The following TOP1MT variants were observed in gnomAD, a reference collection of about 807,000 sequenced individuals.
TOP1MT encodes the protein DNA topoisomerase I mitochondrial.
Under a neutral mutation model 73.9 loss-of-function variants are expected in TOP1MT, and 80 were observed. The ratio of observed to expected loss-of-function variants is 1.08; its 90% CI spans 0.90 to 1.30. The LOEUF (loss-of-function observed/expected upper bound fraction) is 1.30. Ranked by LOEUF, TOP1MT falls within the 50% of genes most tolerant of loss-of-function variation. The probability of loss-of-function intolerance (pLI) is 0.00; values close to 1 mark genes in which losing one functional copy is unlikely to be tolerated. For synonymous variants in TOP1MT, 338 were observed against 326.4 expected (o/e 1.04, Z -0.38); for missense variants, 815 against 808.0 (o/e 1.01, Z -0.10).
chr8:143,321,547 C>A, intron 7 of TOP1MT, among the ~76,000 whole-genome samples, 161 bp from the exon 8 acceptor site: 1 of 121,812 alleles, frequency 8.2e-6, no homozygotes, highest in African/African-American at 2.8e-5. Flanking sequence ...ACGCACGCCA[C>A]ACACGCACGC....
upstream of TOP1MT, among the ~76,000 whole-genome samples, chr8:143,336,962 A>G (rs1411801716): frequency 6.6e-6 from 1 of 152,284 alleles, no homozygotes; most frequent in Admixed American, 6.5e-5. Context: ...AATGAAATTA[A>G]GAAAATAATT....
chr8:143,327,045 C>A (rs1284102086), intron 3 of TOP1MT, among the ~76,000 whole-genome samples: 2 of 152,186 alleles, frequency 1.3e-5, no homozygotes, highest in Non-Finnish European at 2.9e-5. Context: ...TAAATTAATC[C>A]TAAGGGCTGC....
At chr8:143,312,638 G>C (rs1232105619) in intron 12 of TOP1MT, among the ~76,000 whole-genome samples, 2 of 152,122 alleles carry the variant, frequency 1.3e-5, no homozygotes, top group Non-Finnish European at 2.9e-5. Context: ...TGAGAGTTTT[G>C]CCCCCAGTAT....
intron 1 of TOP1MT, among the ~76,000 whole-genome samples, chr8:143,352,346 A>T (rs964210818): frequency 1.3e-5 from 2 of 152,212 alleles, no homozygotes; most frequent in East Asian, 3.9e-4. Context: ...GGACACGCAG[A>T]GACCGGTGGG....
At chr8:143,337,638 A>G (rs1315215657), upstream of TOP1MT, among the ~76,000 whole-genome samples, 2 of 152,214 alleles carry the variant, frequency 1.3e-5, no homozygotes, top group Non-Finnish European at 1.5e-5. Context: ...GCAAGACCCC[A>G]TCTGTACTAA....
upstream of TOP1MT, among the ~76,000 whole-genome samples, chr8:143,346,828 A>G (rs1451495601): frequency 6.6e-6 from 1 of 152,162 alleles, no homozygotes; most frequent in East Asian, 1.9e-4. Context: ...GGTCAGAGGG[A>G]GGACACTAAG....
chr8:143,324,686 G>A, intron 5 of TOP1MT, 57 bp from the exon 6 acceptor site: 1 of 1,583,464 alleles, frequency 6.3e-7, no homozygotes, highest in Non-Finnish European at 8.6e-7. Context: ...TGGAATGCAA[G>A]CAAAAGGAGC....
At chr8:143,358,760 CTG>C (rs1310158641), upstream of TOP1MT, 1 of 152,220 alleles carries the variant, frequency 6.6e-6, no homozygotes. Flanking sequence ...AGGGACACTG[CTG>C]CACCTGCGGC....
At chr8:143,321,022 A>G (rs994447237) in intron 8 of TOP1MT, among the ~76,000 whole-genome samples, 179 bp downstream of exon 8, 18 of 152,166 alleles carry the variant, frequency 1.2e-4, no homozygotes, top group South Asian at 2.1e-4. Context: ...CCTTGGGTCT[A>G]CCATGGTGCA....
chr8:143,332,458 G>C, intron 1 of TOP1MT: 1 of 1,282,788 alleles, frequency 7.8e-7, no homozygotes, highest in Non-Finnish European at 1.0e-6. Context: ...AGACGCACAA[G>C]GACAGAAGGT....
intron 8 of TOP1MT, among the ~76,000 whole-genome samples, chr8:143,318,721 C>G (rs1282004575): frequency 6.6e-6 from 1 of 152,160 alleles, no homozygotes; most frequent in Admixed American, 6.5e-5. Flanking sequence ...CCTCCCTCAC[C>G]AGACACGGGC....
At position 143,354,228 on chromosome 8, in the gene TOP1MT, G is replaced by C. The variant is rs190236568; in HGVS notation, c.-39+1737C>G. Among the ~76,000 whole-genome samples the C allele has an allele frequency of 6.8e-3, 1,039 of 152,158 alleles. 9 individuals are homozygous for C. Among genetic ancestry groups the C allele is most frequent in the Non-Finnish European group, 8.8e-3 (600 of 68,034 alleles). ...CAGCAGGGTGTTTTCGGCTGTGAAA[G>C]GGAATGAAGTGTTAACCCAGCACAG... On this transcript the variant is annotated intron_variant, in intron 1 of 5. Transcript: ENST00000518760.
intron 1 of TOP1MT, among the ~76,000 whole-genome samples, chr8:143,351,393 C>T (rs1259161841): frequency 3.3e-5 from 5 of 151,094 alleles, no homozygotes; most frequent in African/African-American, 7.3e-5. Flanking sequence ...GCCAACATGG[C>T]GAAACCCTGT....
At chr8:143,359,232 C>A, upstream of TOP1MT, 1 of 984,652 alleles carries the variant, frequency 1.0e-6, no homozygotes, top group Non-Finnish European at 1.2e-6. Flanking sequence ...TTTAGATGCG[C>A]CAGACCAAAA....
chr8:143,348,618 G>A (rs544542703), upstream of TOP1MT, among the ~76,000 whole-genome samples: 5 of 152,186 alleles, frequency 3.3e-5, no homozygotes, highest in African/African-American at 1.2e-4. The surrounding 1 kb of genome is among the most constrained non-coding windows in gnomAD (Gnocchi z 4.6). Context: ...GGGGGGGGTG[G>A]GGGCCCTCCA....
intron 1 of TOP1MT, chr8:143,332,642 G>T: frequency 1.8e-6 from 2 of 1,134,164 alleles, no homozygotes; most frequent in Non-Finnish European, 1.2e-6. Flanking sequence ...TTCTGAAAGG[G>T]CCTTTCTGGC....
chr8:143,336,591 G>A (rs1816985564), upstream of TOP1MT, among the ~76,000 whole-genome samples: 1 of 152,048 alleles, frequency 6.6e-6, no homozygotes, highest in Non-Finnish European at 1.5e-5. Context: ...TGAGCAAACA[G>A]GCAAGCAGAT....
At chr8:143,322,371 GGCACGCCACA>G (rs1816463112) in intron 7 of TOP1MT, among the ~76,000 whole-genome samples, 1 of 29,628 alleles carries the variant, frequency 3.4e-5, no homozygotes, top group Non-Finnish European at 6.7e-5. Context: ...CACACACACA[GGCACGCCACA>G]CACGCACGCC....
Position 143,309,507 on chromosome 8 carries a change from G to A in TOP1MT, c.1740C>T (p.Tyr580=). 1.2e-6 allele frequency: 2 copies of A among 1,614,040 alleles called. No individual in the cohort carries two copies. Among genetic ancestry groups the A allele is most frequent in the African/African-American group, 1.3e-5 (1 of 75,054 alleles). The part of the protein sequence containing the change: ...KRFRVPVEKI[Y]SKTQRERFAW... ...CGAACCTCTCCCGCTGTGTTTTGCT[G>A]TAGATCTTCTCCACTGGCACCCTGA... is the stretch of plus-strand genomic sequence containing the variant. The change falls in exon 14 of 14, where the codon TAC becomes TAT. Residue 580 remains tyrosine (Y), a synonymous_variant. Transcript: ENST00000329245.
Sources: allele counts gnomAD v4.1 joint callset (sites outside exome capture counted in the v4.1 genomes callset), GRCh38; gene constraint gnomAD v4.1.1; non-coding constraint Gnocchi (gnomAD v3.1); transcripts MANE v1.5; gene names NCBI Gene and HGNC (gene_info 2026-07-23, HGNC 2026-07-21).